The following DYNC1I1 variants were observed in gnomAD, a reference collection of about 807,000 sequenced individuals.
DYNC1I1 encodes the protein cytoplasmic dynein 1 intermediate chain 1.
In DYNC1I1, 43 loss-of-function variants were observed where a neutral mutation model predicts 86.6. The observed-to-expected ratio is 0.50, with a 90% CI of 0.39 to 0.64. The LOEUF (loss-of-function observed/expected upper bound fraction) is 0.64. Ranked by LOEUF, DYNC1I1 falls within the 30% of genes least tolerant of loss-of-function variation. DYNC1I1 has a pLI of 0.00. For synonymous variants in DYNC1I1, 262 were observed against 283.7 expected (o/e 0.92, Z 0.77); for missense variants, 604 against 788.8 (o/e 0.77, Z 2.81).
At chr7:96,075,970 G>C in intron 14 of DYNC1I1, 87 bp from the exon 15 acceptor site, 1 of 1,522,590 alleles carries the variant, frequency 6.6e-7, no homozygotes, top group Non-Finnish European at 8.8e-7. Context: ...GACACTTTGT[G>C]AATGTGCAAA....
At chr7:95,944,100 G>A (rs1450379823) in intron 6 of DYNC1I1, among the ~76,000 whole-genome samples, 1 of 152,078 alleles carries the variant, frequency 6.6e-6, no homozygotes, top group African/African-American at 2.4e-5. Context: ...CTACAAAATT[G>A]GAGAAAATTT....
chr7:96,014,643 A>G (rs887389571), intron 10 of DYNC1I1, among the ~76,000 whole-genome samples: 3 of 152,186 alleles, frequency 2.0e-5, no homozygotes, highest in Admixed American at 1.3e-4. Context: ...GTGGGGAACT[A>G]TAAGAAATAT....
chr7:96,022,167 C>T (rs958529412), intron 10 of DYNC1I1, among the ~76,000 whole-genome samples: 5 of 152,102 alleles, frequency 3.3e-5, no homozygotes, highest in Non-Finnish European at 5.9e-5. Context: ...GTCACCAACA[C>T]TTATTTCCAT....
chr7:95,939,817 T>C (rs1792152806), intron 6 of DYNC1I1, among the ~76,000 whole-genome samples: 1 of 152,206 alleles, frequency 6.6e-6, no homozygotes, highest in Non-Finnish European at 1.5e-5. Context: ...AATATTGTTA[T>C]GTGTGAATTT....
intron 1 of DYNC1I1, among the ~76,000 whole-genome samples, chr7:95,801,578 G>A (rs1426008003): frequency 6.6e-6 from 1 of 152,066 alleles, no homozygotes; most frequent in East Asian, 1.9e-4. Flanking sequence ...GTGGAGGAGG[G>A]GAAAACTCAC....
At chr7:96,109,535 T>G (rs960426240) in intron 16 of DYNC1I1, among the ~76,000 whole-genome samples, 1 of 152,198 alleles carries the variant, frequency 6.6e-6, no homozygotes, top group Admixed American at 6.5e-5. Flanking sequence ...TATACATTTC[T>G]CTCTAAACAC....
At chr7:95,861,617 A>AT (rs10717478) in intron 5 of DYNC1I1, among the ~76,000 whole-genome samples, 4,929 of 150,608 alleles carry the variant, frequency 0.033, 208 homozygotes, top group African/African-American at 0.098. Flanking sequence ...TCTTTTTGCA[A>AT]TTTTTTTTTT....
chr7:95,864,646 T>A (rs939010736), intron 5 of DYNC1I1, among the ~76,000 whole-genome samples: 5 of 152,172 alleles, frequency 3.3e-5, no homozygotes, highest in Non-Finnish European at 1.5e-5. Context: ...TCTGTCTGAC[T>A]TTTTAGTTTT....
At chr7:95,949,014 A>G (rs1489757793) in intron 6 of DYNC1I1, among the ~76,000 whole-genome samples, 1 of 152,176 alleles carries the variant, frequency 6.6e-6, no homozygotes, top group Non-Finnish European at 1.5e-5. Flanking sequence ...AAGTCTTCCC[A>G]GGTCCCAGAT....
chr7:96,072,648 T>C (rs1013475260), intron 14 of DYNC1I1, among the ~76,000 whole-genome samples: 16 of 152,310 alleles, frequency 1.1e-4, no homozygotes, highest in African/African-American at 3.4e-4. Flanking sequence ...TTTTCAAAAC[T>C]TGCAGTATTC....
rs58435060 is a variant in DYNC1I1, at chr7:95,954,915, C to CAAAAA, written c.491-22578_491-22574dup. Among the ~76,000 whole-genome samples, 359 of 81,834 alleles carry CAAAAA rather than the reference C, an allele frequency of 4.4e-3. 19 individuals are homozygous for CAAAAA. The highest frequency in any genetic ancestry group is 0.016 in the African/African-American group (344 of 21,362). The allele number at this position is 81,834 out of a possible 152,430, so 53.7% of individuals were successfully genotyped here. On this transcript the variant is annotated intron_variant, in intron 6 of 16. Coordinates refer to ENST00000447467, the MANE Select transcript of DYNC1I1 (RefSeq NM_001135556.2). Reference sequence around the variant, plus strand: ...TGGGCAACAGAGCAAGACTCTGTCTCAAAAAAAAAAAAAAAAAAAAAAAGA... The same window carrying CAAAAA: ...TGGGCAACAGAGCAAGACTCTGTCTCAAAAAAAAAAAAAAAAAAAAAAAAAAAAGA...
At chr7:96,098,513 C>T (rs1389256903), downstream of DYNC1I1, 4 of 808,290 alleles carry the variant, frequency 4.9e-6, no homozygotes, top group African/African-American at 7.5e-5. Flanking sequence ...TACATTAGAG[C>T]CATGTTAAAG....
intron 4 of DYNC1I1, among the ~76,000 whole-genome samples, chr7:95,816,531 G>T (rs1216146038): frequency 6.6e-6 from 1 of 152,000 alleles, no homozygotes; most frequent in Non-Finnish European, 1.5e-5. Flanking sequence ...CTCCTGATCG[G>T]TTTTGGTAGA....
intron 14 of DYNC1I1, among the ~76,000 whole-genome samples, chr7:96,073,380 T>A (rs1790227687): frequency 6.6e-6 from 1 of 152,122 alleles, no homozygotes; most frequent in Non-Finnish European, 1.5e-5. Context: ...ATGTGAAGTC[T>A]CCAGAATATA....
At chr7:96,105,585 C>T (rs1030044111) in intron 16 of DYNC1I1, among the ~76,000 whole-genome samples, 1 of 152,102 alleles carries the variant, frequency 6.6e-6, no homozygotes, top group African/African-American at 2.4e-5. Context: ...TTCCCATAAT[C>T]GTTCCTTGTG....
At chr7:96,100,811 G>C (rs1156776278), downstream of DYNC1I1, among the ~76,000 whole-genome samples, 1 of 152,074 alleles carries the variant, frequency 6.6e-6, no homozygotes, top group Non-Finnish European at 1.5e-5. Flanking sequence ...TGCCCTGGTA[G>C]TACAGGAAGG....
intron 6 of DYNC1I1, among the ~76,000 whole-genome samples, chr7:95,936,990 A>AC (rs1562949165): frequency 2.0e-5 from 3 of 151,748 alleles, no homozygotes; most frequent in South Asian, 2.1e-4. Context: ...ACACACACAC[A>AC]AATACTATTC....
intron 10 of DYNC1I1, among the ~76,000 whole-genome samples, chr7:96,009,729 T>C (rs1794227084): frequency 6.6e-6 from 1 of 152,140 alleles, no homozygotes; most frequent in Non-Finnish European, 1.5e-5. Flanking sequence ...TGTTTAATTA[T>C]ATTTCAAGTT....
intron 6 of DYNC1I1, among the ~76,000 whole-genome samples, chr7:95,940,445 C>A (rs1168492151): frequency 1.3e-5 from 2 of 152,150 alleles, no homozygotes; most frequent in Non-Finnish European, 1.5e-5. Context: ...CAATCAGACA[C>A]AGATTTGGTC....
Sources: allele counts gnomAD v4.1 joint callset (sites outside exome capture counted in the v4.1 genomes callset), GRCh38; gene constraint gnomAD v4.1.1; transcripts MANE v1.5; gene names NCBI Gene and HGNC (gene_info 2026-07-23, HGNC 2026-07-21).